Variants in LONP1 observed in about 807,000 individuals in gnomAD.
LONP1 encodes the protein lon peptidase 1, mitochondrial.
Under a neutral mutation model 98.5 loss-of-function variants are expected in LONP1, and 31 were observed. The ratio of observed to expected loss-of-function variants is 0.31; its 90% CI spans 0.24 to 0.42. The LOEUF is 0.42. LONP1 is among the 20% of genes least tolerant of loss of function. The pLI, the probability that LONP1 is intolerant of heterozygous loss-of-function variation, is 1.00. For missense variants in LONP1, 1,336 were observed against 1,350.6 expected (o/e 0.99, Z 0.17); for synonymous variants, 781 against 594.7 (o/e 1.31, Z -4.56).
rs1368022279 is a variant in LONP1 at position 5,702,342 on chromosome 19, C to T, written c.1368-1415G>A. Among the ~76,000 whole-genome samples, 53 of 145,142 alleles carry T rather than the reference C, an allele frequency of 3.7e-4. 1 individual carries two copies. The South Asian group carries it at 9.8e-3, about 27-fold the overall frequency. On this transcript the variant is annotated intron_variant, in intron 8 of 17. Transcript: ENST00000360614. Reference sequence around the variant, plus strand: ...CCCCCGCCCAGCCAGCCGCCCCGTCCGGGAGGGAGGTGGGGGGGTCAGCCC... The same window carrying T: ...CCCCCGCCCAGCCAGCCGCCCCGTCTGGGAGGGAGGTGGGGGGGTCAGCCC...
At chr19:5,715,388 A>G (rs2055299830) in intron 1 of LONP1, among the ~76,000 whole-genome samples, 2 of 150,028 alleles carry the variant, frequency 1.3e-5, no homozygotes, top group South Asian at 4.2e-4. Context: ...TCACGCCTGT[A>G]ATCCCAGCAC....
rs780754614 is a variant in LONP1 at position 5,707,733 on chromosome 19, C to T, written c.1026G>A (p.Glu342=). ...SDMGAALTGA[E]SHELQDVLEE... ...CCAGGACGTCCTGCAGCTCATGGGACTCGGCCCCGGTGAGCGCGGCGCCCA... is the reference window on the plus strand; with the variant it reads ...CCAGGACGTCCTGCAGCTCATGGGATTCGGCCCCGGTGAGCGCGGCGCCCA... Residue 342 remains glutamate (E), a synonymous_variant, in exon 6 of 18, where the codon GAG becomes GAA. Coordinates refer to ENST00000360614, the MANE Select transcript of LONP1 (RefSeq NM_004793.4). The T allele has an allele frequency of 1.2e-6, 2 of 1,613,320 alleles. No individual in the cohort carries two copies.
At chr19:5,696,587 G>A (rs2054933961) in intron 11 of LONP1, 83 bp downstream of exon 11, 4 of 1,446,490 alleles carry the variant, frequency 2.8e-6, no homozygotes, top group Admixed American at 1.9e-5. Context: ...GTTGGCTCGG[G>A]GATCCTAGGA....
intron 9 of LONP1, among the ~76,000 whole-genome samples, chr19:5,699,741 G>A (rs2055007899): frequency 1.3e-5 from 2 of 151,042 alleles, no homozygotes; most frequent in African/African-American, 4.9e-5. Context: ...TGTATTTTTA[G>A]TAGAGGCGAG....
chr19:5,697,074 G>C (rs1271929303), intron 10 of LONP1, among the ~76,000 whole-genome samples: 1 of 152,188 alleles, frequency 6.6e-6, no homozygotes, highest in Non-Finnish European at 1.5e-5. Context: ...CTCACTGAGG[G>C]ACGCCAGGCA....
chr19:5,696,539 C>T (rs372051130), intron 11 of LONP1, 131 bp downstream of exon 11: 80 of 1,283,064 alleles, frequency 6.2e-5, no homozygotes, highest in Non-Finnish European at 7.8e-5. Flanking sequence ...GGGACCCGTC[C>T]GTGCCATCAG....
At chr19:5,705,084 C>T (rs950251951) in intron 8 of LONP1, among the ~76,000 whole-genome samples, 1 of 151,966 alleles carries the variant, frequency 6.6e-6, no homozygotes, top group Non-Finnish European at 1.5e-5. Flanking sequence ...ATCGTTTCAA[C>T]CTGGGAGGTG....
chr19:5,712,025 G>A (rs2055247190), intron 3 of LONP1, 23 bp from the exon 4 acceptor site: 2 of 1,592,194 alleles, frequency 1.3e-6, no homozygotes, highest in Non-Finnish European at 1.7e-6. Context: ...CAAGGCAGGT[G>A]TGAATCAGCC....
Position 5,691,976 on chromosome 19 carries a change from T to TCAGTTCTGGCCCCGACAGGGCCTGACATC in LONP1, c.*55_*56insGATGTCAGGCCCTGTCGGGGCCAGAACTG. On this transcript the variant is annotated 3_prime_UTR_variant, in exon 18 of 18. Transcript: ENST00000360614. ...GGTCCGGGCGCGCTCCCCACAGCGC[T>TCAGTTCTGGCCCCGACAGGGCCTGACATC]CAGTTCTGGCCCAGACAGGGCCTGA... 3 of 1,536,484 alleles carry TCAGTTCTGGCCCCGACAGGGCCTGACATC rather than the reference T, an allele frequency of 2.0e-6. No homozygotes were observed. The highest frequency in any genetic ancestry group is 1.8e-6 in the Non-Finnish European group (2 of 1,135,666).
At chr19:5,701,241 C>T (rs962599492) in intron 8 of LONP1, among the ~76,000 whole-genome samples, 24 of 152,198 alleles carry the variant, frequency 1.6e-4, no homozygotes, top group Admixed American at 5.2e-4. Flanking sequence ...GTCAGGAGAT[C>T]GAGACCATCC....
At chr19:5,692,469 G>A (rs1237637915) in intron 17 of LONP1, among the ~76,000 whole-genome samples, 1 of 152,156 alleles carries the variant, frequency 6.6e-6, no homozygotes, top group Non-Finnish European at 1.5e-5. Context: ...CTGGCCGTGC[G>A]GTGGGAGCAG....
intron 9 of LONP1, 49 bp from the exon 10 acceptor site, chr19:5,699,254 G>A: frequency 1.4e-6 from 2 of 1,438,390 alleles, no homozygotes; most frequent in African/African-American, 1.5e-5. Flanking sequence ...GGAAGCCGGG[G>A]ACCCGCGCAT....
At chr19:5,696,394 G>C in intron 11 of LONP1, 23 bp from the exon 12 acceptor site, 1 of 1,609,794 alleles carries the variant, frequency 6.2e-7, no homozygotes, top group Non-Finnish European at 8.5e-7. Flanking sequence ...ACAGCAGGTG[G>C]TGCCCCTCGC....
Position 5,693,643 on chromosome 19 carries a change from A to G in LONP1, c.2447T>C (p.Ile816Thr). ...LGEVMKESAR[I>T]AYTFARAFLM... ...GAAGGCTCTGGCGAAGGTGTAGGCTATGCGGGCGCTCTCCTTCATCACCTC... is the reference window on the plus strand; with the variant it reads ...GAAGGCTCTGGCGAAGGTGTAGGCTGTGCGGGCGCTCTCCTTCATCACCTC... Residue 816 changes from isoleucine to threonine, a missense_variant, in exon 16 of 18, where the codon ATA becomes ACA. Physicochemically the swap from Ile to Thr is moderately conservative, Grantham distance 89. This residue lies in a region of LONP1 where 555 missense variants were observed against 542.6 expected (regional missense o/e 1.02). Coordinates refer to ENST00000360614, the MANE Select transcript of LONP1 (RefSeq NM_004793.4). 1.9e-6 allele frequency: 3 copies of G among 1,614,018 alleles called. No individual in the cohort carries two copies. The highest frequency in any genetic ancestry group is 2.5e-6 in the Non-Finnish European group (3 of 1,179,972).
intron 1 of LONP1, among the ~76,000 whole-genome samples, chr19:5,718,513 G>A (rs1234384168): frequency 1.3e-5 from 2 of 151,786 alleles, no homozygotes; most frequent in Non-Finnish European, 2.9e-5. Flanking sequence ...AGCAGCGTTG[G>A]AGAAGCTCCC....
At position 5,720,097 on chromosome 19, in the gene LONP1, T is replaced by A; in HGVS notation, c.36A>T (p.Gly12=). 1 of 1,474,166 alleles carries A rather than the reference T, an allele frequency of 6.8e-7. No homozygotes were observed. Among genetic ancestry groups the A allele is most frequent in the Non-Finnish European group, 8.9e-7 (1 of 1,123,392 alleles). 91.3% of individuals were successfully genotyped at this position (1,474,166 alleles called of 1,614,324 possible). Residue 12 remains glycine (G), a synonymous_variant, in exon 1 of 18, where the codon GGA becomes GGT. Transcript: ENST00000360614. ...GCCGCAGCACCCAGCACCGCGCCGC[T>A]CCCCACAGTCGCACGTAGCCAGTGC... ...AASTGYVRLW[G]AARCWVLRRP...
chr19:5,718,265 G>A (rs1345552659), intron 1 of LONP1, among the ~76,000 whole-genome samples: 3 of 151,970 alleles, frequency 2.0e-5, no homozygotes, highest in African/African-American at 2.4e-5. Flanking sequence ...ATCACTTGAG[G>A]TCAGGAGTTC....
intron 8 of LONP1, among the ~76,000 whole-genome samples, chr19:5,703,599 C>T (rs1472479227): frequency 6.6e-6 from 1 of 151,808 alleles, no homozygotes; most frequent in East Asian, 1.9e-4. Flanking sequence ...CGAGCAGACA[C>T]CGTCAGGGCG....
chr19:5,714,721 C>T (rs1269089419), intron 1 of LONP1, among the ~76,000 whole-genome samples: 1 of 147,418 alleles, frequency 6.8e-6, no homozygotes, highest in Non-Finnish European at 1.5e-5. Flanking sequence ...CGGGATCAAG[C>T]AATTCTCTGC....
Sources: gnomAD v4.1 joint callset for allele counts (sites outside exome capture counted in the v4.1 genomes callset) on GRCh38, gnomAD v4.1.1 for gene constraint, gnomAD v4.1.1 regional missense constraint, MANE v1.5 for transcripts, NCBI Gene and HGNC (gene_info 2026-07-23, HGNC 2026-07-21) for gene names.